MMS22L: variants seen among roughly 807,000 people sequenced by gnomAD.
The protein encoded by MMS22L is protein MMS22-like.
Under a neutral mutation model 159.1 loss-of-function variants are expected in MMS22L, and 74 were observed. That is an observed-to-expected ratio of 0.47 (90% CI 0.39 to 0.56). The LOEUF (loss-of-function observed/expected upper bound fraction) is 0.56. Ranked by LOEUF, MMS22L falls within the 20% of genes least tolerant of loss-of-function variation. The pLI, the probability that MMS22L is intolerant of heterozygous loss-of-function variation, is 0.00. For synonymous variants in MMS22L, 517 were observed against 506.9 expected (o/e 1.02, Z -0.27); for missense variants, 1,351 against 1,422.1 (o/e 0.95, Z 0.80).
At chr6:97,226,771 G>T (rs1000226137) in intron 14 of MMS22L, among the ~76,000 whole-genome samples, 1 of 152,000 alleles carries the variant, frequency 6.6e-6, no homozygotes, top group African/African-American at 2.4e-5. Context: ...TATTTCTATG[G>T]ATTAGAACTA....
At chr6:97,192,840 G>T (rs1806037688) in intron 14 of MMS22L, among the ~76,000 whole-genome samples, 1 of 152,088 alleles carries the variant, frequency 6.6e-6, no homozygotes, top group Non-Finnish European at 1.5e-5. Context: ...TTAATCTGTA[G>T]GTACTTTATT....
At chr6:97,263,183 A>G (rs1017671646) in intron 9 of MMS22L, 152 bp downstream of exon 9, 10 of 532,084 alleles carry the variant, frequency 1.9e-5, no homozygotes, top group Admixed American at 1.2e-4. Context: ...TTAAAAATAA[A>G]GTAGATATTC....
At chr6:97,241,893 T>A (rs1812114858) in intron 11 of MMS22L, among the ~76,000 whole-genome samples, 1 of 152,218 alleles carries the variant, frequency 6.6e-6, no homozygotes, top group East Asian at 1.9e-4. Flanking sequence ...ATTATTTAAT[T>A]TCCACGTATT....
At chr6:97,202,520 G>A (rs1037595598) in intron 14 of MMS22L, among the ~76,000 whole-genome samples, 6 of 152,098 alleles carry the variant, frequency 3.9e-5, no homozygotes, top group Non-Finnish European at 7.4e-5. Flanking sequence ...CCTTAGCGTT[G>A]ACTAACCTGA....
chr6:97,228,333 T>C (rs1810469792), intron 14 of MMS22L, among the ~76,000 whole-genome samples: 1 of 152,184 alleles, frequency 6.6e-6, no homozygotes, highest in South Asian at 2.1e-4. Context: ...ATATAAGCTT[T>C]CTTTTGAAAA....
intron 19 of MMS22L, among the ~76,000 whole-genome samples, chr6:97,170,731 G>A (rs528842923): frequency 1.1e-4 from 16 of 152,214 alleles, no homozygotes; most frequent in Admixed American, 6.6e-5. Flanking sequence ...TAAAAGCTGC[G>A]TACAGCGGCT....
At chr6:97,243,480 A>G (rs1267557534) in intron 11 of MMS22L, among the ~76,000 whole-genome samples, 1 of 151,888 alleles carries the variant, frequency 6.6e-6, no homozygotes, top group Non-Finnish European at 1.5e-5. Context: ...CTTTTCATGC[A>G]TATCTGTTAT....
intron 20 of MMS22L, 95 bp downstream of exon 20, chr6:97,167,976 G>T: frequency 9.7e-7 from 1 of 1,028,744 alleles, no homozygotes; most frequent in Non-Finnish European, 1.4e-6. Flanking sequence ...AGATTATAAT[G>T]TACAGTTTTT....
rs567465442 is a variant in MMS22L, at chr6:97,148,441, C to T, written c.3650+1412G>A. Among the ~76,000 whole-genome samples, 24 of 152,154 alleles carry T rather than the reference C, an allele frequency of 1.6e-4. No homozygotes were observed. In the South Asian group the frequency reaches 4.8e-3, roughly 30 times the overall value. On this transcript the variant is annotated intron_variant, in intron 24 of 24. Transcript: ENST00000683635. ...TTGCAGGAGACGACAGCTCCATGTG[C>T]GTTACTGACCCTGAAGACCTTCCAG...
intron 10 of MMS22L, among the ~76,000 whole-genome samples, chr6:97,251,696 G>A (rs564171609): frequency 2.8e-4 from 43 of 152,186 alleles, no homozygotes; most frequent in African/African-American, 1.0e-3. Flanking sequence ...ATTAAAAGAC[G>A]CAAGTTAAGC....
intron 14 of MMS22L, among the ~76,000 whole-genome samples, chr6:97,192,082 A>C (rs1805927201): frequency 1.3e-5 from 2 of 152,116 alleles, no homozygotes; most frequent in Admixed American, 1.3e-4. Context: ...ATTCAAGCAC[A>C]CTTTGCAATG....
At chr6:97,227,801 A>T (rs1443557655) in intron 14 of MMS22L, among the ~76,000 whole-genome samples, 1 of 152,228 alleles carries the variant, frequency 6.6e-6, no homozygotes, top group Non-Finnish European at 1.5e-5. Context: ...GAGTGGTAGT[A>T]TTTAACTTCT....
At chr6:97,195,553 T>C (rs986989836) in intron 14 of MMS22L, among the ~76,000 whole-genome samples, 18 of 152,212 alleles carry the variant, frequency 1.2e-4, no homozygotes, top group African/African-American at 3.6e-4. Flanking sequence ...TGGTGTTCCA[T>C]TTGTTCAGTC....
intron 14 of MMS22L, among the ~76,000 whole-genome samples, chr6:97,208,791 G>A (rs1437406002): frequency 5.4e-5 from 8 of 149,414 alleles, no homozygotes; most frequent in Non-Finnish European, 4.5e-5. Context: ...CCTCACCCAG[G>A]TCTACACTCT....
intron 14 of MMS22L, among the ~76,000 whole-genome samples, chr6:97,200,906 G>T (rs530985013): frequency 5.0e-4 from 76 of 152,160 alleles, no homozygotes; most frequent in African/African-American, 1.8e-3. Context: ...TAAGAACAAT[G>T]CAAAAGTAGT....
rs113639235 is a variant in MMS22L, at chr6:97,246,706, A to ACAG, written c.1120-17_1120-16insCTG. On this transcript the variant is annotated splice_polypyrimidine_tract_variant and intron_variant, in intron 10 of 24. Coordinates refer to ENST00000683635, the MANE Select transcript of MMS22L (RefSeq NM_001350599.2). ...CCACTTTTCTCTAGAAAGGGAGAAA[A>ACAG]TAGTGCATCAAAATTATTGCTCTTG... The ACAG allele has an allele frequency of 7.0e-6, 11 of 1,577,622 alleles. No individual in the cohort carries two copies. The highest frequency in any genetic ancestry group is 2.2e-5 in the East Asian group (1 of 44,528).
At chr6:97,165,601 T>C (rs1802886927) in intron 20 of MMS22L, 144 bp from the exon 21 acceptor site, 1 of 699,696 alleles carries the variant, frequency 1.4e-6, no homozygotes. Flanking sequence ...AATCCACAGA[T>C]AATGTACATA....
chr6:97,269,135 TA>T (rs1175391896), intron 7 of MMS22L, among the ~76,000 whole-genome samples: 1 of 151,972 alleles, frequency 6.6e-6, no homozygotes, highest in Non-Finnish European at 1.5e-5. Context: ...GAGTAATTAA[TA>T]AAGCAAATAT....
At chr6:97,150,689 T>C (rs943707239) in intron 23 of MMS22L, among the ~76,000 whole-genome samples, 1 of 152,096 alleles carries the variant, frequency 6.6e-6, no homozygotes, top group African/African-American at 2.4e-5. Flanking sequence ...TACTGACTGA[T>C]CACAATTTAA....
Sources: gnomAD v4.1 joint callset for allele counts (sites outside exome capture counted in the v4.1 genomes callset) on GRCh38, gnomAD v4.1.1 for gene constraint, MANE v1.5 for transcripts, NCBI Gene and HGNC (gene_info 2026-07-23, HGNC 2026-07-21) for gene names.